The following ACSF2 variants were observed in gnomAD, a reference collection of about 807,000 sequenced individuals.
ACSF2 encodes the protein acyl-CoA synthetase family member 2, also known as medium-chain acyl-CoA ligase ACSF2, mitochondrial.
In ACSF2, 52 loss-of-function variants were observed where a neutral mutation model predicts 79.3. The observed-to-expected ratio is 0.66, with a 90% CI of 0.53 to 0.83. The LOEUF is 0.83. ACSF2 is among the 40% of genes least tolerant of loss of function. ACSF2 has a pLI of 0.00. For synonymous variants in ACSF2, 283 were observed against 312.6 expected, an observed-to-expected ratio of 0.91 and a Z score of 1.00; for missense variants, 661 against 803.3, an observed-to-expected ratio of 0.82 and a Z score of 2.14.
In ACSF2 at chr17:50,448,290, T is replaced by C. The variant is rs200250779; in HGVS notation, c.129-12387T>C. Among the ~76,000 whole-genome samples, 11 of 152,318 alleles carry C rather than the reference T, an allele frequency of 7.2e-5. No individual in the cohort carries two copies. The East Asian group carries it at 2.1e-3, about 29-fold the overall frequency. On this transcript the variant is annotated intron_variant, in intron 1 of 15. Transcript: ENST00000300441. The stretch of plus-strand genomic sequence containing the variant: ...GAAAAGGTATAGTCAAAATACAATA[T>C]TACAATATAATCTTATGGGACCACT...
chr17:50,463,009 G>T lies in ACSF2; in HGVS notation c.793-147G>T, dbSNP rs2032444081. 8.6e-6 allele frequency: 6 copies of T among 700,158 alleles called. No homozygotes were observed. The East Asian group carries it at 1.5e-4, about 17-fold the overall frequency. 43.4% of individuals were successfully genotyped at this position (700,158 alleles called of 1,614,324 possible). On this transcript the variant is annotated intron_variant, in intron 6 of 15. Transcript: ENST00000300441. The surrounding 1 kb of genome is among the most constrained non-coding windows in gnomAD (Gnocchi z 4.6). ...CTGGACCCTGACACCTGGTATCGTG[G>T]TAGACCTTTTGCAAATATACTGAAC... is the stretch of plus-strand genomic sequence containing the variant.
At chr17:50,426,790 T>C (rs1915036511) in intron 1 of ACSF2, 2 of 1,113,086 alleles carry the variant, frequency 1.8e-6, no homozygotes, top group South Asian at 2.9e-5. Flanking sequence ...TCAGCCCCAG[T>C]CTCCCCGACC....
rs563022170 is a variant in ACSF2, at chr17:50,454,757, GAGA to G, written c.129-5914_129-5912del. On this transcript the variant is annotated intron_variant, in intron 1 of 15. Transcript: ENST00000300441. ...CTAGATGTCTGAGGGTGTGTCATGA[GAGA>G]AGAAGGACCTATTGGGGTTTCTGTC... is the stretch of plus-strand genomic sequence containing the variant. Among the ~76,000 whole-genome samples, 20 of 152,270 alleles carry G rather than the reference GAGA, an allele frequency of 1.3e-4. No homozygotes were observed. In the South Asian group the frequency reaches 2.9e-3, roughly 22 times the overall value.
In ACSF2 at chr17:50,474,288, T is replaced by A; in HGVS notation, c.1797+21T>A. The A allele has an allele frequency of 6.2e-7, 1 of 1,613,882 alleles. No homozygotes were observed. Among genetic ancestry groups the A allele is most frequent in the Non-Finnish European group, 8.5e-7 (1 of 1,179,788 alleles). On this transcript the variant is annotated intron_variant, in intron 15 of 15. Coordinates refer to ENST00000300441, the MANE Select transcript of ACSF2 (RefSeq NM_025149.6). The surrounding 1 kb of genome is among the most constrained non-coding windows in gnomAD (Gnocchi z 4.2). ...GAAAGGTGTGTAAGGTGGAGGAGGC[T>A]GGGGAGGGCAGCCTGGGCTCTGGGG...
Position 50,432,956 on chromosome 17 carries a change from G to A in ACSF2, c.128+6567G>A, listed in dbSNP as rs141151986. 3.9e-5 allele frequency among the ~76,000 whole-genome samples: 6 copies of A among 152,210 alleles called. No individual in the cohort carries two copies. The East Asian group carries it at 7.7e-4, about 20-fold the overall frequency. On this transcript the variant is annotated intron_variant, in intron 1 of 15. Transcript: ENST00000300441. Reference sequence around the variant, plus strand: ...GATTTGAAGTATGCAGCCTTCATACGTGTGTGAAATTTCACTTGGTCTCTT... The same window carrying A: ...GATTTGAAGTATGCAGCCTTCATACATGTGTGAAATTTCACTTGGTCTCTT...
chr17:50,464,798 C>G, intron 10 of ACSF2: 1 of 340,470 alleles, frequency 2.9e-6, no homozygotes, highest in South Asian at 2.2e-5. Flanking sequence ...ACAGCTTCTC[C>G]AAGAGGAGCT....
rs771638590 is a variant in ACSF2 at position 50,463,789 on chromosome 17, G to C, written c.1047-29G>C. 6.2e-7 allele frequency: 1 copy of C among 1,604,702 alleles called. No individual in the cohort carries two copies. Among genetic ancestry groups the C allele is most frequent in the Non-Finnish European group, 8.5e-7 (1 of 1,171,848 alleles). ...ACAGGGAGTTCCCTTCCACTTCCAA[G>C]CCTAATTTCGAGACCTCCTCCTATA... On this transcript the variant is annotated intron_variant, in intron 8 of 15. Transcript: ENST00000300441. This position sits in a 1 kb window ranked among gnomAD's most constrained non-coding sequence, Gnocchi z 4.6.
intron 1 of ACSF2, among the ~76,000 whole-genome samples, chr17:50,456,507 C>T (rs908740618): frequency 3.4e-5 from 5 of 148,718 alleles, no homozygotes; most frequent in East Asian, 2.0e-4. Flanking sequence ...CCGAGGCGGG[C>T]GGATCACCTG....
At chr17:50,467,498 G>A (rs1457435691) in intron 10 of ACSF2, among the ~76,000 whole-genome samples, 1 of 152,180 alleles carries the variant, frequency 6.6e-6, no homozygotes, top group African/African-American at 2.4e-5. Context: ...CCTCTATGGG[G>A]CATGGAGAAT....
chr17:50,473,489 T>C, intron 12 of ACSF2, 176 bp from the exon 13 acceptor site: 1 of 792,102 alleles, frequency 1.3e-6, no homozygotes, highest in Non-Finnish European at 2.0e-6. Flanking sequence ...TTTGTCTACC[T>C]CCCCTCCCCT....
In ACSF2 at chr17:50,472,494, C is replaced by T. The variant is rs751210076; in HGVS notation, c.1390C>T (p.Arg464Ter). 22 of 1,612,850 alleles carry T rather than the reference C, an allele frequency of 1.4e-5. No homozygotes were observed. Among genetic ancestry groups the T allele is most frequent in the African/African-American group, 5.3e-5 (4 of 74,862 alleles). Reference sequence around the variant, plus strand: ...GAACACGCCCGGGGAGCTGTGCATCCGAGGGTACTGCGTCATGCTGGGCTA... The same window carrying T: ...GAACACGCCCGGGGAGCTGTGCATCTGAGGGTACTGCGTCATGCTGGGCTA... ...KLNTPGELCI[R>*]GYCVMLGYWG... is the part of the protein sequence containing the mutation. The change falls in exon 12 of 16, where the codon CGA (arginine) becomes TGA (stop). Residue 464 changes from arginine to a stop codon, truncating the protein, a stop_gained. Transcript: ENST00000300441. LOFTEE classifies it high-confidence loss of function.
intron 10 of ACSF2, chr17:50,468,308 C>A: frequency 3.1e-6 from 5 of 1,613,960 alleles, no homozygotes; most frequent in Non-Finnish European, 4.2e-6. Context: ...GTCCTTGGCT[C>A]CCTGGAAGGC....
Position 50,473,927 on chromosome 17 carries a change from G to A in ACSF2, c.1651G>A (p.Glu551Lys). The change falls in exon 14 of 16, where the codon GAG becomes AAG. Residue 551 changes from glutamate (E) to lysine (K), a missense_variant. Glu to Lys is a moderately conservative substitution (Grantham distance 56, BLOSUM62 1). Coordinates refer to ENST00000300441, the MANE Select transcript of ACSF2 (RefSeq NM_025149.6). ...AGTGAAGGACGATCGGATGGGGGAA[G>A]AGATTTGTGCCTGCATTCGGCTGAA... ...VGVKDDRMGE[E>K]ICACIRLKDG... 1 of 1,577,488 alleles carries A rather than the reference G, an allele frequency of 6.3e-7. No individual in the cohort carries two copies.
chr17:50,471,045 A>T lies in ACSF2; in HGVS notation c.1233A>T (p.Thr411=). Residue 411 remains threonine, a synonymous_variant, in exon 11 of 16, where the codon ACA becomes ACT. Coordinates refer to ENST00000300441, the MANE Select transcript of ACSF2 (RefSeq NM_025149.6). The surrounding 1 kb of genome is among the most constrained non-coding windows in gnomAD (Gnocchi z 4.1). ...MKDLVVAYGT[T]ENSPVTFAHF... ...CCCTCTAGGTTGCTTATGGAACCAC[A>T]GAGAACAGTCCCGTGACATTCGCGC... 6.2e-7 allele frequency: 1 copy of T among 1,614,030 alleles called. No individual in the cohort carries two copies. The highest frequency in any genetic ancestry group is 8.5e-7 in the Non-Finnish European group (1 of 1,179,954).
At chr17:50,468,926 A>G in intron 10 of ACSF2, 1 of 1,406,966 alleles carries the variant, frequency 7.1e-7, no homozygotes, top group Non-Finnish European at 9.2e-7. Context: ...CCCTGACCGC[A>G]GCCGGCAGCC....
intron 1 of ACSF2, among the ~76,000 whole-genome samples, chr17:50,446,188 T>A (rs1354839961): frequency 6.6e-6 from 1 of 152,240 alleles, no homozygotes; most frequent in South Asian, 2.1e-4. Flanking sequence ...AAATAGGTAC[T>A]GCAATGTTGC....
chr17:50,429,873 C>T (rs1439823610), intron 1 of ACSF2, among the ~76,000 whole-genome samples: 1 of 152,214 alleles, frequency 6.6e-6, no homozygotes, highest in Non-Finnish European at 1.5e-5. Context: ...TCCAGAACTC[C>T]TCACGACCAA....
chr17:50,445,277 C>T (rs1295823983), intron 1 of ACSF2, among the ~76,000 whole-genome samples: 9 of 152,122 alleles, frequency 5.9e-5, no homozygotes, highest in Admixed American at 1.3e-4. Context: ...ACTTTTTCAT[C>T]TCAGTGTTCT....
Position 50,467,924 on chromosome 17 carries a change from T to C in ACSF2, c.1216-3104T>C, listed in dbSNP as rs1314556237. The C allele has an allele frequency of 3.7e-6, 4 of 1,071,366 alleles. No homozygotes were observed. The African/African-American group carries it at 6.4e-5, about 17-fold the overall frequency. The allele number at this position is 1,071,366 out of a possible 1,614,324, so 66.4% of individuals were successfully genotyped here. A position where few individuals can be genotyped will look rare whatever the true frequency, so the allele number is the denominator to read the frequency against. On this transcript the variant is annotated intron_variant, in intron 10 of 15. Coordinates refer to ENST00000300441, the MANE Select transcript of ACSF2 (RefSeq NM_025149.6). ...GTGGCAGAGCTGCTCACCTTGGAGA[T>C]AGCCAGAGGGACAGGGAACCTGGGG...
Sources: allele counts gnomAD v4.1 joint callset (sites outside exome capture counted in the v4.1 genomes callset), GRCh38; gene constraint gnomAD v4.1.1; non-coding constraint Gnocchi (gnomAD v3.1); transcripts MANE v1.5; gene names NCBI Gene and HGNC (gene_info 2026-07-23, HGNC 2026-07-21).